The following MPP4 variants were observed in gnomAD, a reference collection of about 807,000 sequenced individuals.
The protein encoded by MPP4 is MAGUK p55 scaffold protein 4.
A neutral mutation model predicts 98.3 loss-of-function variants in MPP4; 91 were observed. That is an observed-to-expected ratio of 0.93 (90% CI 0.78 to 1.10). The LOEUF is 1.10. Ranked by LOEUF, MPP4 falls within the 50% of genes least tolerant of loss-of-function variation. The pLI, the probability that MPP4 is intolerant of heterozygous loss-of-function variation, is 0.00. For missense variants in MPP4, 744 were observed against 792.9 expected (o/e 0.94, Z 0.74); for synonymous variants, 261 against 271.8 (o/e 0.96, Z 0.39).
chr2:201,685,843 T>G (rs1688813316), intron 6 of MPP4, 76 bp downstream of exon 6: 1 of 1,549,222 alleles, frequency 6.5e-7, no homozygotes, highest in Admixed American at 1.7e-5. Context: ...ACTGCCCAAG[T>G]AACCACTAGA....
Position 201,693,943 on chromosome 2 carries a change from T to C in MPP4, c.12A>G (p.Ser4=). The stretch of plus-strand genomic sequence containing the variant: ...TGTCTGGTGGATCTGCTCCTTTGTC[T>C]GACTGTATCATCCTCCCTGCCGGAG... MIQ[S]DKGADPPDKK... The change falls in exon 2 of 22, where the codon TCA becomes TCG. Residue 4 remains serine, a synonymous_variant. Coordinates refer to ENST00000409474, the MANE Select transcript of MPP4 (RefSeq NM_033066.3). 6.2e-7 allele frequency: 1 copy of C among 1,614,030 alleles called. No individual in the cohort carries two copies. The highest frequency in any genetic ancestry group is 8.5e-7 in the Non-Finnish European group (1 of 1,179,870).
chr2:201,670,092 A>G (rs985174280), intron 11 of MPP4, among the ~76,000 whole-genome samples: 8 of 152,316 alleles, frequency 5.3e-5, no homozygotes, highest in Middle Eastern at 3.4e-3. Context: ...CAAATTTTCA[A>G]TGAAAGGAAG....
chr2:201,691,362 G>A (rs919716753), intron 3 of MPP4, among the ~76,000 whole-genome samples: 1 of 151,814 alleles, frequency 6.6e-6, no homozygotes, highest in African/African-American at 2.4e-5. Flanking sequence ...AACTTCAAAA[G>A]GATCTCTCTT....
At chr2:201,680,816 C>T (rs746809544) in intron 10 of MPP4, 22 bp downstream of exon 10, 2 of 1,596,568 alleles carry the variant, frequency 1.3e-6, no homozygotes, top group South Asian at 2.2e-5. Flanking sequence ...GCCCTGAGTC[C>T]AGGAGTGGTG....
Position 201,697,026 on chromosome 2 carries a change from C to A in MPP4, c.-101+1561G>T, listed in dbSNP as rs573542347. Among the ~76,000 whole-genome samples the A allele has an allele frequency of 2.0e-5, 3 of 152,184 alleles. No individual in the cohort carries two copies. In the East Asian group the frequency reaches 5.8e-4, roughly 29 times the overall value. On this transcript the variant is annotated intron_variant, in intron 1 of 21. Transcript: ENST00000409474. ...TGAAGATGGGGCCTTTGGGAGGTAA[C>A]TGGGTTAAGGTCATGAGGTAGAGGC...
intron 4 of MPP4, among the ~76,000 whole-genome samples, chr2:201,689,445 T>C (rs371387774): frequency 4.0e-4 from 61 of 152,244 alleles, no homozygotes; most frequent in East Asian, 3.5e-3. Context: ...AAAGAGGGTA[T>C]TTTTGGTTGC....
intron 3 of MPP4, 50 bp downstream of exon 3, chr2:201,692,857 TC>T (rs2105950324): frequency 6.3e-7 from 1 of 1,585,158 alleles, no homozygotes; most frequent in East Asian, 2.3e-5. Flanking sequence ...TTCTACACAC[TC>T]CCCACAACCC....
intron 11 of MPP4, among the ~76,000 whole-genome samples, chr2:201,673,955 C>G (rs1389330780): frequency 6.6e-6 from 1 of 152,184 alleles, no homozygotes; most frequent in African/African-American, 2.4e-5. Flanking sequence ...AGAAGGGCCT[C>G]GCTCAGTAGG....
Position 201,690,271 on chromosome 2 carries a change from G to C in MPP4, c.210C>G (p.Asp70Glu). ...PWLQALLKIY[D>E]CLQEFKEKKL... is the part of the protein sequence containing the mutation. ...TCTTTTCTTTAAATTCCTGGAGGCA[G>C]TCATAAATCTGCAGAAGGACAAGGG... The change falls in exon 4 of 22, where the codon GAC (aspartate) becomes GAG (glutamate). Residue 70 changes from aspartate (D) to glutamate (E), a missense_variant. Coordinates refer to ENST00000409474, the MANE Select transcript of MPP4 (RefSeq NM_033066.3). 1 of 1,602,862 alleles carries C rather than the reference G, an allele frequency of 6.2e-7. No individual in the cohort carries two copies. Among genetic ancestry groups the C allele is most frequent in the East Asian group, 2.2e-5 (1 of 44,692 alleles).
intron 2 of MPP4, 141 bp from the exon 3 acceptor site, chr2:201,693,170 G>A: frequency 1.0e-6 from 1 of 971,732 alleles, no homozygotes; most frequent in Non-Finnish European, 1.5e-6. Flanking sequence ...CTGACTTCAA[G>A]CCCTGTTCCA....
chr2:201,649,229 T>G (rs918434700), intron 20 of MPP4, among the ~76,000 whole-genome samples: 1 of 152,202 alleles, frequency 6.6e-6, no homozygotes, highest in Non-Finnish European at 1.5e-5. Flanking sequence ...GCCACAGATA[T>G]GACAACATAG....
At chr2:201,657,964 T>TTG (rs1341875975) in intron 16 of MPP4, among the ~76,000 whole-genome samples, 89 of 145,908 alleles carry the variant, frequency 6.1e-4, no homozygotes, top group African/African-American at 2.4e-3. Context: ...GTTTTTTTTT[T>TTG]TTTTGTTTTT....
At chr2:201,657,593 TTTTTTTTGTTTTTTTG>T (rs1395153047) in intron 16 of MPP4, among the ~76,000 whole-genome samples, 1 of 116,686 alleles carries the variant, frequency 8.6e-6, no homozygotes, top group African/African-American at 3.8e-5. Context: ...GGCCCTTGTT[TTTTTTTTGTTTTTTTG>T]TTTTTTTTTG....
At chr2:201,685,368 G>A (rs1317200505) in intron 6 of MPP4, among the ~76,000 whole-genome samples, 2 of 152,214 alleles carry the variant, frequency 1.3e-5, no homozygotes, top group African/African-American at 2.4e-5. Context: ...GGGCCACACA[G>A]TGCCCTGTGG....
At chr2:201,655,876 C>T (rs932518684) in intron 17 of MPP4, among the ~76,000 whole-genome samples, 3 of 151,988 alleles carry the variant, frequency 2.0e-5, no homozygotes, top group Non-Finnish European at 4.4e-5. Flanking sequence ...AATGATCTGT[C>T]TGGGGAAACA....
intron 10 of MPP4, among the ~76,000 whole-genome samples, chr2:201,677,299 G>T (rs977950632): frequency 3.3e-5 from 5 of 152,070 alleles, no homozygotes; most frequent in South Asian, 2.1e-4. Flanking sequence ...CCAGCGAATG[G>T]GGCCTCTCAC....
chr2:201,657,963 T>G (rs1480717984), intron 16 of MPP4, among the ~76,000 whole-genome samples: 2 of 150,860 alleles, frequency 1.3e-5, no homozygotes, highest in African/African-American at 4.9e-5. Context: ...TGTTTTTTTT[T>G]TTTTTGTTTT....
chr2:201,650,355 C>A (rs1687682016), intron 18 of MPP4, 190 bp from the exon 19 acceptor site: 1 of 985,392 alleles, frequency 1.0e-6, no homozygotes, highest in South Asian at 4.7e-5. Context: ...AGTCTATAAA[C>A]CTTTACTGAG....
chr2:201,656,908 G>A (rs1687862532), intron 16 of MPP4, among the ~76,000 whole-genome samples: 1 of 152,210 alleles, frequency 6.6e-6, no homozygotes, highest in South Asian at 2.1e-4. Context: ...TTGAGGAACA[G>A]CAAGGAAGCC....
Sources: allele counts gnomAD v4.1 joint callset (sites outside exome capture counted in the v4.1 genomes callset), GRCh38; gene constraint gnomAD v4.1.1; transcripts MANE v1.5; gene names NCBI Gene and HGNC (gene_info 2026-07-23, HGNC 2026-07-21).